SYN3: variants seen among roughly 807,000 people sequenced by gnomAD.
SYN3 encodes the protein synapsin III.
Under a neutral mutation model 65.8 loss-of-function variants are expected in SYN3, and 35 were observed. The observed-to-expected ratio is 0.53, with a 90% confidence interval of 0.41 to 0.70. The LOEUF (loss-of-function observed/expected upper bound fraction) is 0.70. SYN3 is among the 30% of genes least tolerant of loss of function. SYN3 has a pLI of 0.00. For missense variants in SYN3, 680 were observed against 749.0 expected (o/e 0.91, Z 1.08); for synonymous variants, 270 against 292.9 (o/e 0.92, Z 0.80).
intron 3 of SYN3, among the ~76,000 whole-genome samples, chr22:32,940,785 T>C (rs1021746644): frequency 3.3e-5 from 5 of 152,220 alleles, no homozygotes; most frequent in African/African-American, 4.8e-5. Context: ...TGACATCAGA[T>C]AGTATAATAT....
intron 6 of SYN3, among the ~76,000 whole-genome samples, chr22:32,598,952 C>G (rs1232770568): frequency 6.6e-6 from 1 of 152,038 alleles, no homozygotes; most frequent in African/African-American, 2.4e-5. Context: ...TTGAAAGAAC[C>G]TCATCAGTTA....
At position 32,547,731 on chromosome 22, in the gene SYN3, C is replaced by A. The variant is rs377738806; in HGVS notation, c.775-6018G>T. Among the ~76,000 whole-genome samples the A allele has an allele frequency of 1.1e-4, 16 of 152,316 alleles. No individual in the cohort carries two copies. The East Asian group carries it at 3.1e-3, about 29-fold the overall frequency. ...TCCAAATCTTCTGAATGGGTTTTGG[C>A]TCAGAGGTCTCCTGTTCCAAATTAC... On this transcript the variant is annotated intron_variant, in intron 7 of 13. Transcript: ENST00000358763.
At position 32,784,266 on chromosome 22, in the gene SYN3, G is replaced by A. The variant is rs951134268; in HGVS notation, c.711+80649C>T. 7.2e-5 allele frequency among the ~76,000 whole-genome samples: 11 copies of A among 152,326 alleles called. No individual in the cohort carries two copies. In the South Asian group the frequency reaches 1.9e-3, roughly 26 times the overall value. ...CTTTAACCAATAGAACATGGCGCAG[G>A]TGACAGGGCATATGCGATTATATGA... On this transcript the variant is annotated intron_variant, in intron 6 of 13. Transcript: ENST00000358763.
chr22:32,927,484 A>T (rs991158313), intron 4 of SYN3, among the ~76,000 whole-genome samples: 5 of 151,988 alleles, frequency 3.3e-5, no homozygotes, highest in Non-Finnish European at 7.4e-5. Flanking sequence ...TCCTGAGTGC[A>T]GGCAATCCAC....
intron 6 of SYN3, among the ~76,000 whole-genome samples, chr22:32,638,108 G>C (rs1034688503): frequency 3.3e-5 from 5 of 152,092 alleles, no homozygotes; most frequent in Non-Finnish European, 5.9e-5. Flanking sequence ...TGGGATAAAA[G>C]CCTCCAGCTG....
At chr22:32,726,431 A>G (rs909881110) in intron 6 of SYN3, among the ~76,000 whole-genome samples, 9 of 152,154 alleles carry the variant, frequency 5.9e-5, no homozygotes, top group East Asian at 3.9e-4. Flanking sequence ...GTGAGCCACC[A>G]CACTCGGCCC....
chr22:33,054,466 A>G (rs572829216), intron 1 of SYN3, among the ~76,000 whole-genome samples: 11 of 152,282 alleles, frequency 7.2e-5, no homozygotes, highest in African/African-American at 1.7e-4. Flanking sequence ...GGCATTTACT[A>G]TCCTCATGAT....
At position 32,513,581 on chromosome 22, in the gene SYN3, G is replaced by A; in HGVS notation, c.*111C>T. 7.2e-7 allele frequency: 1 copy of A among 1,385,722 alleles called. No homozygotes were observed. The highest frequency in any genetic ancestry group is 1.4e-5 in the African/African-American group (1 of 69,630). The allele number at this position is 1,385,722 out of a possible 1,614,324, so 85.8% of individuals were successfully genotyped here. On this transcript the variant is annotated 3_prime_UTR_variant, in exon 14 of 14. Coordinates refer to ENST00000358763, the MANE Select transcript of SYN3 (RefSeq NM_003490.4). ...TGGGTCAAAGGCATTTAGAAAGTAT[G>A]TTCTCAGGCCCTCCATTCTGTTCCC...
chr22:32,537,859 A>T (rs1046572684), intron 9 of SYN3, among the ~76,000 whole-genome samples, 177 bp downstream of exon 9: 3 of 152,242 alleles, frequency 2.0e-5, no homozygotes, highest in African/African-American at 7.2e-5. Context: ...TTATTTTAAT[A>T]CCTGCCCTGT....
rs554775591 is a variant in SYN3, at chr22:32,802,111, A to G, written c.711+62804T>C. 46 of 1,582,688 alleles carry G rather than the reference A, an allele frequency of 2.9e-5. No individual in the cohort carries two copies. The African/African-American group carries it at 5.6e-4, about 19-fold the overall frequency. On this transcript the variant is annotated intron_variant, in intron 6 of 13. Transcript: ENST00000358763. ...AGCCACCCCCAGGACGCCTTCTGCA[A>G]CTCCGACATCGGTAAGCGCTCCTGG... is the stretch of plus-strand genomic sequence containing the variant.
chr22:32,785,831 G>A (rs1445588261), intron 6 of SYN3, among the ~76,000 whole-genome samples: 2 of 152,158 alleles, frequency 1.3e-5, no homozygotes, highest in African/African-American at 4.8e-5. Context: ...GAACAGGACT[G>A]TGTCTGTCTT....
chr22:32,659,061 G>A (rs1308718857), intron 6 of SYN3, among the ~76,000 whole-genome samples: 2 of 152,158 alleles, frequency 1.3e-5, no homozygotes, highest in Non-Finnish European at 2.9e-5. Context: ...TTTCCTTAAG[G>A]TCACAATGAG....
At chr22:32,702,990 T>C (rs1384048791) in intron 6 of SYN3, among the ~76,000 whole-genome samples, 1 of 152,202 alleles carries the variant, frequency 6.6e-6, no homozygotes, top group African/African-American at 2.4e-5. Flanking sequence ...CACAAGTAAT[T>C]AGAAATCAAA....
At position 32,906,158 on chromosome 22, in the gene SYN3, C is replaced by T. The variant is rs536007535; in HGVS notation, c.461+25232G>A. 3.9e-5 allele frequency among the ~76,000 whole-genome samples: 6 copies of T among 152,266 alleles called. No homozygotes were observed. In the South Asian group the frequency reaches 8.3e-4, roughly 21 times the overall value. The stretch of plus-strand genomic sequence containing the variant: ...GTCTGGTTGTTCTCAGGAAGGCGCA[C>T]GACCTGGAAGAGAGAAACGTCTTTC... On this transcript the variant is annotated intron_variant, in intron 4 of 13. Transcript: ENST00000358763.
intron 4 of SYN3, among the ~76,000 whole-genome samples, chr22:32,900,498 G>C (rs900116307): frequency 1.3e-5 from 2 of 152,156 alleles, no homozygotes; most frequent in Non-Finnish European, 2.9e-5. Flanking sequence ...TAAGGGATTT[G>C]GCAGTGAACA....
chr22:33,012,534 C>T (rs9609680), intron 1 of SYN3, among the ~76,000 whole-genome samples: 18,127 of 152,216 alleles, frequency 0.12, 1,425 homozygotes, highest in East Asian at 0.37. Flanking sequence ...GTCCAATTCC[C>T]CAGGTAGCTG....
intron 4 of SYN3, among the ~76,000 whole-genome samples, chr22:32,917,727 T>C (rs1049258214): frequency 6.6e-6 from 1 of 152,248 alleles, no homozygotes; most frequent in Admixed American, 6.5e-5. Context: ...ACACTGTTTT[T>C]CTCTGTCGGA....
intron 4 of SYN3, among the ~76,000 whole-genome samples, chr22:32,908,387 T>G (rs2049961194): frequency 1.0e-4 from 1 of 9,732 alleles, no homozygotes; most frequent in South Asian, 4.2e-3. Context: ...CGCCTAGCCT[T>G]TTTTTTTTTT....
intron 6 of SYN3, among the ~76,000 whole-genome samples, chr22:32,719,113 C>T (rs757729848): frequency 6.6e-6 from 1 of 152,178 alleles, no homozygotes; most frequent in Non-Finnish European, 1.5e-5. Flanking sequence ...TCCCTCATCC[C>T]CTCTTTGAGG....
Sources: gnomAD v4.1 joint callset for allele counts (sites outside exome capture counted in the v4.1 genomes callset) on GRCh38, gnomAD v4.1.1 for gene constraint, MANE v1.5 for transcripts, NCBI Gene and HGNC (gene_info 2026-07-23, HGNC 2026-07-21) for gene names.